The following TSPAN9 variants were observed in gnomAD, a reference collection of about 807,000 sequenced individuals.
The protein encoded by TSPAN9 is tetraspanin-9.
TSPAN9 carries 16 observed loss-of-function variants against 31.0 expected under a neutral mutation model. The observed-to-expected ratio is 0.52, with a 90% confidence interval of 0.35 to 0.78. The LOEUF is 0.78. Ranked by LOEUF, TSPAN9 falls within the 30% of genes least tolerant of loss-of-function variation. The pLI, the probability that TSPAN9 is intolerant of heterozygous loss-of-function variation, is 0.01. For missense variants in TSPAN9, 272 were observed against 312.5 expected (o/e 0.87, Z 0.98); for synonymous variants, 145 against 121.6 (o/e 1.19, Z -1.27).
chr12:3,218,455 G>C (rs1327742195), intron 3 of TSPAN9, among the ~76,000 whole-genome samples: 2 of 152,262 alleles, frequency 1.3e-5, no homozygotes, highest in African/African-American at 4.8e-5. Context: ...GCAGTGGCCA[G>C]ACTAGCTAGG....
At chr12:3,182,733 G>C (rs1443460292) in intron 2 of TSPAN9, among the ~76,000 whole-genome samples, 1 of 152,208 alleles carries the variant, frequency 6.6e-6, no homozygotes. Context: ...GTGGGAGGAA[G>C]TTGTGTGTTG....
intron 2 of TSPAN9, among the ~76,000 whole-genome samples, chr12:3,135,312 C>T (rs568204950): frequency 8.5e-5 from 13 of 152,278 alleles, no homozygotes; most frequent in Admixed American, 8.5e-4. Flanking sequence ...TCTGGAACTC[C>T]TGGCATCAAG....
At chr12:3,113,021 C>T (rs1217005345) in intron 2 of TSPAN9, among the ~76,000 whole-genome samples, 1 of 152,116 alleles carries the variant, frequency 6.6e-6, no homozygotes, top group Non-Finnish European at 1.5e-5. Flanking sequence ...TTCTTAACTT[C>T]TATATTGACC....
At chr12:3,178,583 G>A (rs1167459787) in intron 2 of TSPAN9, among the ~76,000 whole-genome samples, 4 of 152,178 alleles carry the variant, frequency 2.6e-5, no homozygotes, top group Non-Finnish European at 2.9e-5. Context: ...GAGCCACTGC[G>A]CCCTGCCAGA....
chr12:3,201,085 C>G, intron 2 of TSPAN9, 92 bp from the exon 3 acceptor site: 1 of 1,242,870 alleles, frequency 8.0e-7, no homozygotes, highest in Non-Finnish European at 1.2e-6. Flanking sequence ...AGAGCCGCGC[C>G]GAGGCCGGCG....
chr12:3,112,177 C>CTTTTTTT (rs138645701), intron 2 of TSPAN9, among the ~76,000 whole-genome samples: 1 of 115,604 alleles, frequency 8.7e-6, no homozygotes, highest in African/African-American at 3.4e-5. Flanking sequence ...TGTAATGTTC[C>CTTTTTTT]TTTTTTTTTT....
At chr12:3,177,886 G>A (rs1316284133) in intron 2 of TSPAN9, among the ~76,000 whole-genome samples, 1 of 152,244 alleles carries the variant, frequency 6.6e-6, no homozygotes, top group Non-Finnish European at 1.5e-5. Flanking sequence ...AAGGACAGGC[G>A]GGTGACGGCC....
Position 3,163,867 on chromosome 12 carries a change from C to T in TSPAN9, c.-17-37310C>T, listed in dbSNP as rs111589742. Among the ~76,000 whole-genome samples the T allele has an allele frequency of 6.9e-3, 1,053 of 152,292 alleles. 9 individuals are homozygous for T. The highest frequency in any genetic ancestry group is 0.024 in the African/African-American group (990 of 41,556). ...GAAAACCTCTGGTGTGAGTTACTGC[C>T]TGTGGATATTAGAGACTCACCTGCT... On this transcript the variant is annotated intron_variant, in intron 2 of 8. Transcript: ENST00000011898.
intron 3 of TSPAN9, among the ~76,000 whole-genome samples, chr12:3,208,729 G>A (rs564522522): frequency 1.3e-5 from 2 of 152,230 alleles, no homozygotes; most frequent in South Asian, 2.1e-4. Flanking sequence ...TAAAACAAAC[G>A]CCTGCCCACT....
intron 3 of TSPAN9, among the ~76,000 whole-genome samples, chr12:3,248,598 A>G (rs1159543229): frequency 2.1e-5 from 3 of 145,084 alleles, no homozygotes. Flanking sequence ...CGTCCATTAC[A>G]CTCATTCCTT....
At chr12:3,116,624 T>C (rs1455307980) in intron 2 of TSPAN9, among the ~76,000 whole-genome samples, 2 of 152,132 alleles carry the variant, frequency 1.3e-5, no homozygotes, top group East Asian at 3.9e-4. Context: ...ATTCCCGTCA[T>C]GTGGCCAGCA....
At chr12:3,140,598 A>G (rs1317358141) in intron 2 of TSPAN9, among the ~76,000 whole-genome samples, 1 of 151,982 alleles carries the variant, frequency 6.6e-6, no homozygotes, top group Non-Finnish European at 1.5e-5. Context: ...GGTGGTGAGG[A>G]GGCGTTTGGG....
intron 3 of TSPAN9, among the ~76,000 whole-genome samples, chr12:3,225,662 G>A (rs1205431941): frequency 6.6e-6 from 1 of 152,070 alleles, no homozygotes; most frequent in East Asian, 1.9e-4. Flanking sequence ...TAAGAAAGTG[G>A]GCAGACGGCC....
At position 3,107,794 on chromosome 12, in the gene TSPAN9, A is replaced by C; in HGVS notation, c.-18+24075A>C. 6.6e-6 allele frequency among the ~76,000 whole-genome samples: 1 copy of C among 152,188 alleles called. No individual in the cohort carries two copies. The highest frequency in any genetic ancestry group is 1.9e-4 in the East Asian group (1 of 5,196). ...TCAAAACAAATCCAGATACCTGGTGATATCGCTAGTGCTACCTGGGCATGA... is the reference window on the plus strand; with the variant it reads ...TCAAAACAAATCCAGATACCTGGTGCTATCGCTAGTGCTACCTGGGCATGA... On this transcript the variant is annotated intron_variant, in intron 2 of 8. Transcript: ENST00000011898. This position sits in a 1 kb window ranked among gnomAD's most constrained non-coding sequence, Gnocchi z 4.1.
At chr12:3,198,147 C>CCACCAGCACAGGTCA (rs2153972624) in intron 2 of TSPAN9, among the ~76,000 whole-genome samples, 2 of 84,598 alleles carry the variant, frequency 2.4e-5, no homozygotes, top group Non-Finnish European at 2.6e-5. Flanking sequence ...GCACAGGTCA[C>CCACCAGCACAGGTCA]CACCAGCACA....
At position 3,170,997 on chromosome 12, in the gene TSPAN9, A is replaced by G. The variant is rs2098351483; in HGVS notation, c.-17-30180A>G. On this transcript the variant is annotated intron_variant, in intron 2 of 8. Coordinates refer to ENST00000011898, the MANE Select transcript of TSPAN9 (RefSeq NM_006675.5). This position sits in a 1 kb window ranked among gnomAD's most constrained non-coding sequence, Gnocchi z 4.4. Reference sequence around the variant, plus strand: ...CACTCCTGTGTTCCTTTGTAGATCAACCAGGATTCTTCCTCCTTTTGCTGC... The same window carrying G: ...CACTCCTGTGTTCCTTTGTAGATCAGCCAGGATTCTTCCTCCTTTTGCTGC... 6.6e-6 allele frequency among the ~76,000 whole-genome samples: 1 copy of G among 152,130 alleles called. No homozygotes were observed. Among genetic ancestry groups the G allele is most frequent in the South Asian group, 2.1e-4 (1 of 4,816 alleles).
At chr12:3,083,564 C>G (rs1287817562) in intron 1 of TSPAN9, 89 bp from the exon 2 acceptor site, 1 of 152,230 alleles carries the variant, frequency 6.6e-6, no homozygotes, top group Non-Finnish European at 1.5e-5. Context: ...TAGGGGACTG[C>G]TGCCCCAAAG....
rs1318033827 is a variant in TSPAN9 at position 3,281,628 on chromosome 12, G to A, written c.565-106G>A. On this transcript the variant is annotated intron_variant, in intron 7 of 8. Transcript: ENST00000011898. ...CAGGGCTGAGGCCAGGGAGGGCTGGGAGGTAAGAGCGAGGACGAGGTGGAA... is the reference window on the plus strand; with the variant it reads ...CAGGGCTGAGGCCAGGGAGGGCTGGAAGGTAAGAGCGAGGACGAGGTGGAA... The A allele has an allele frequency of 5.3e-6, 7 of 1,330,304 alleles. No homozygotes were observed. In the East Asian group the frequency reaches 1.4e-4, roughly 27 times the overall value. 82.4% of individuals were successfully genotyped at this position (1,330,304 alleles called of 1,614,324 possible).
At position 3,280,308 on chromosome 12, in the gene TSPAN9, G is replaced by A. The variant is rs1470318284; in HGVS notation, c.331-74G>A. 2 of 1,374,956 alleles carry A rather than the reference G, an allele frequency of 1.5e-6. No homozygotes were observed. Among genetic ancestry groups the A allele is most frequent in the East Asian group, 4.6e-5 (2 of 43,476 alleles). The allele number at this position is 1,374,956 out of a possible 1,614,324, so 85.2% of individuals were successfully genotyped here. A position where few individuals can be genotyped will look rare whatever the true frequency, so the allele number is the denominator to read the frequency against. ...CCTCATCTGTCACCCACCATCCTGGGTGACCTGAGGTGGGCTGGAGAGACG... is the reference window on the plus strand; with the variant it reads ...CCTCATCTGTCACCCACCATCCTGGATGACCTGAGGTGGGCTGGAGAGACG... On this transcript the variant is annotated intron_variant, in intron 5 of 8. Transcript: ENST00000011898. This position sits in a 1 kb window ranked among gnomAD's most constrained non-coding sequence, Gnocchi z 4.5.
Sources: allele counts gnomAD v4.1 joint callset (sites outside exome capture counted in the v4.1 genomes callset), GRCh38; gene constraint gnomAD v4.1.1; non-coding constraint Gnocchi (gnomAD v3.1); transcripts MANE v1.5; gene names NCBI Gene and HGNC (gene_info 2026-07-23, HGNC 2026-07-21).